The following EVL variants were observed in gnomAD, a reference collection of about 807,000 sequenced individuals.
The protein encoded by EVL is ena/VASP-like protein.
A neutral mutation model predicts 59.6 loss-of-function variants in EVL; 21 were observed. The ratio of observed to expected loss-of-function variants is 0.35; its 90% CI spans 0.25 to 0.51. The LOEUF (loss-of-function observed/expected upper bound fraction) is 0.51. Ranked by LOEUF, EVL falls within the 20% of genes least tolerant of loss-of-function variation. The pLI, the probability that EVL is intolerant of heterozygous loss-of-function variation, is 0.97. For missense variants in EVL, 462 were observed against 546.6 expected (o/e 0.85, Z 1.54); for synonymous variants, 198 against 203.5 (o/e 0.97, Z 0.23).
intron 1 of EVL, among the ~76,000 whole-genome samples, chr14:100,016,507 G>A (rs532313313): frequency 2.0e-5 from 3 of 152,178 alleles, no homozygotes; most frequent in South Asian, 4.2e-4. Context: ...GCAGCTTGGC[G>A]ATGGAGCAAG....
In EVL at chr14:100,144,234, G is replaced by A. The variant is rs953392253; in HGVS notation, c.*496G>A. ...CACAGTAATAAACGGTTTACTGTCCGCACCCTCGGGCTCAGGCCCTCGCAT... is the reference window on the plus strand; with the variant it reads ...CACAGTAATAAACGGTTTACTGTCCACACCCTCGGGCTCAGGCCCTCGCAT... On this transcript the variant is annotated 3_prime_UTR_variant, in exon 14 of 14. Transcript: ENST00000392920. The A allele has an allele frequency of 1.4e-4, 22 of 156,508 alleles. No individual in the cohort carries two copies. Among genetic ancestry groups the A allele is most frequent in the Non-Finnish European group, 2.4e-4 (17 of 70,822 alleles). 9.7% of individuals were successfully genotyped at this position (156,508 alleles called of 1,614,324 possible). A position where few individuals can be genotyped will look rare whatever the true frequency, so the allele number is the denominator to read the frequency against.
At chr14:99,994,044 T>C (rs1262200232) in intron 1 of EVL, among the ~76,000 whole-genome samples, 1 of 151,502 alleles carries the variant, frequency 6.6e-6, no homozygotes, top group East Asian at 1.9e-4. Flanking sequence ...TTTAGGAATT[T>C]GTCAGTTTCT....
intron 3 of EVL, 190 bp downstream of exon 3, chr14:100,097,848 G>A: frequency 1.9e-6 from 1 of 519,556 alleles, no homozygotes; most frequent in South Asian, 3.1e-5. Context: ...GGAAAGAATG[G>A]AGTTTGTATC....
At chr14:100,101,574 C>T (rs1886226346) in intron 3 of EVL, among the ~76,000 whole-genome samples, 1 of 152,068 alleles carries the variant, frequency 6.6e-6, no homozygotes, top group African/African-American at 2.4e-5. Flanking sequence ...ACCCAGGAGG[C>T]AGAGGTTGCA....
intron 1 of EVL, among the ~76,000 whole-genome samples, chr14:100,036,553 T>G (rs957141225): frequency 6.6e-6 from 1 of 151,394 alleles, no homozygotes; most frequent in Non-Finnish European, 1.5e-5. Flanking sequence ...CCCATAAACC[T>G]TTTTTTTTGT....
chr14:100,075,679 T>C (rs146781041), intron 1 of EVL, among the ~76,000 whole-genome samples: 11 of 152,200 alleles, frequency 7.2e-5, no homozygotes, highest in African/African-American at 2.2e-4. Context: ...AGGAAGAAGA[T>C]AGTTTGAAGT....
In EVL at chr14:99,989,369, T is replaced by C. The variant is rs371801758; in HGVS notation, c.5+17312T>C. 7.1e-4 allele frequency among the ~76,000 whole-genome samples: 108 copies of C among 152,354 alleles called. 2 individuals carry two copies. Among genetic ancestry groups the C allele is most frequent in the African/African-American group, 2.5e-3 (103 of 41,574 alleles). On this transcript the variant is annotated intron_variant, in intron 1 of 13. Coordinates refer to the EVL transcript ENST00000402714. ...CATCGTTATTAAAACACCATAATTATATTCCACTTTTGTTTTCTACCTCTT... is the reference window on the plus strand; with the variant it reads ...CATCGTTATTAAAACACCATAATTACATTCCACTTTTGTTTTCTACCTCTT...
chr14:100,102,921 C>T (rs1391138125), intron 3 of EVL, among the ~76,000 whole-genome samples: 1 of 152,104 alleles, frequency 6.6e-6, no homozygotes, highest in Non-Finnish European at 1.5e-5. Flanking sequence ...CATGGTGAAA[C>T]TCTGTCTCTA....
intron 3 of EVL, chr14:100,106,274 T>C (rs572660880): frequency 1.3e-5 from 2 of 152,408 alleles, no homozygotes; most frequent in South Asian, 4.1e-4. Flanking sequence ...CCAGGTTTAG[T>C]ATGTGCTGAA....
In EVL at chr14:100,108,362, C is replaced by T. The variant is rs1026058696; in HGVS notation, c.358+10704C>T. ...CCCCTAAAGAGAAGGAAGTACTGGA[C>T]TGTCTTCATCTCCCTGGCTGCCGAG... On this transcript the variant is annotated intron_variant, in intron 3 of 13. Coordinates refer to ENST00000392920, the MANE Select transcript of EVL (RefSeq NM_016337.3). The surrounding 1 kb of genome is among the most constrained non-coding windows in gnomAD (Gnocchi z 4.1). 6.6e-6 allele frequency among the ~76,000 whole-genome samples: 1 copy of T among 152,232 alleles called. No individual in the cohort carries two copies. Among genetic ancestry groups the T allele is most frequent in the Non-Finnish European group, 1.5e-5 (1 of 68,044 alleles).
chr14:99,990,265 T>G (rs772741345), intron 1 of EVL, among the ~76,000 whole-genome samples: 2 of 152,226 alleles, frequency 1.3e-5, no homozygotes, highest in Non-Finnish European at 2.9e-5. Context: ...TGGCATATAC[T>G]AGGGTATCAG....
chr14:100,044,812 G>C (rs1354530464), intron 1 of EVL, among the ~76,000 whole-genome samples: 3 of 152,126 alleles, frequency 2.0e-5, no homozygotes, highest in African/African-American at 7.2e-5. Context: ...GTATAGCTTG[G>C]ATGTAAGGGT....
intron 1 of EVL, among the ~76,000 whole-genome samples, chr14:100,004,886 C>G (rs917371188): frequency 1.3e-5 from 2 of 151,978 alleles, no homozygotes; most frequent in Non-Finnish European, 2.9e-5. Context: ...TGTTTTCCTA[C>G]AATATATTTT....
chr14:99,972,515 C>T lies in EVL; in HGVS notation c.5+458C>T, dbSNP rs1416704125. Among the ~76,000 whole-genome samples, 7 of 152,206 alleles carry T rather than the reference C, an allele frequency of 4.6e-5. No individual in the cohort carries two copies. Among genetic ancestry groups the T allele is most frequent in the Admixed American group, 3.9e-4 (6 of 15,286 alleles). ...TTGCCGAAGCCTCCCCCTGCCAGCG[C>T]CCAGAGCCGCGTTTGGGCTTTTACA... is the stretch of plus-strand genomic sequence containing the variant. On this transcript the variant is annotated intron_variant, in intron 1 of 13. Coordinates refer to the EVL transcript ENST00000402714. The surrounding 1 kb of genome is among the most constrained non-coding windows in gnomAD (Gnocchi z 4.4).
intron 2 of EVL, 37 bp from the exon 3 acceptor site, chr14:100,097,444 T>G: frequency 1.3e-6 from 2 of 1,566,464 alleles, no homozygotes; most frequent in Non-Finnish European, 1.7e-6. Flanking sequence ...TTACATTTTA[T>G]TTATTTACAC....
At chr14:100,058,470 C>T (rs911409051) in intron 1 of EVL, among the ~76,000 whole-genome samples, 2 of 152,152 alleles carry the variant, frequency 1.3e-5, no homozygotes, top group African/African-American at 2.4e-5. Flanking sequence ...AGGTGCTGAG[C>T]GCAATTCATG....
chr14:100,084,095 A>G (rs1219452942), intron 1 of EVL, among the ~76,000 whole-genome samples: 1 of 137,500 alleles, frequency 7.3e-6, no homozygotes, highest in South Asian at 2.2e-4. Flanking sequence ...TCTGTTGTCC[A>G]GGCTGGAGTG....
chr14:100,120,248 CTCCT>C (rs1257080480), intron 3 of EVL, among the ~76,000 whole-genome samples: 1 of 152,228 alleles, frequency 6.6e-6, no homozygotes, highest in Non-Finnish European at 1.5e-5. Flanking sequence ...TTCAGCATGA[CTCCT>C]TCACCTGAAC....
intron 3 of EVL, among the ~76,000 whole-genome samples, chr14:100,115,046 A>AC (rs1491216458): frequency 1.8e-4 from 2 of 11,340 alleles, no homozygotes; most frequent in Non-Finnish European, 3.3e-4. Flanking sequence ...GATTAGTCAC[A>AC]AAAAAAAAAA....
Sources: allele counts gnomAD v4.1 joint callset (sites outside exome capture counted in the v4.1 genomes callset), GRCh38; gene constraint gnomAD v4.1.1; non-coding constraint Gnocchi (gnomAD v3.1); transcripts MANE v1.5; gene names NCBI Gene and HGNC (gene_info 2026-07-23, HGNC 2026-07-21).